ALPK1: variants seen among roughly 807,000 people sequenced by gnomAD.
ALPK1 encodes the protein alpha kinase 1.
Under a neutral mutation model 120.6 loss-of-function variants are expected in ALPK1, and 110 were observed. The observed-to-expected ratio is 0.91, with a 90% CI of 0.78 to 1.07. ALPK1 has a LOEUF of 1.07. Ranked by LOEUF, ALPK1 falls within the 50% of genes least tolerant of loss-of-function variation. The pLI is 0.00. For synonymous variants in ALPK1, 582 were observed against 560.3 expected (o/e 1.04, Z -0.55); for missense variants, 1,498 against 1,483.9 (o/e 1.01, Z -0.16).
At chr4:112,422,381 C>T (rs1285963128) in intron 5 of ALPK1, among the ~76,000 whole-genome samples, 1 of 152,130 alleles carries the variant, frequency 6.6e-6, no homozygotes, top group African/African-American at 2.4e-5. Flanking sequence ...CTTTCAATAT[C>T]CTTCCTGGGT....
At chr4:112,362,951 A>T (rs1258081290) in intron 2 of ALPK1, among the ~76,000 whole-genome samples, 2 of 152,212 alleles carry the variant, frequency 1.3e-5, no homozygotes, top group East Asian at 3.8e-4. Context: ...TAAACAAAAC[A>T]GTTGTCAGCC....
intron 1 of ALPK1, among the ~76,000 whole-genome samples, chr4:112,314,971 C>A (rs1728573033): frequency 6.8e-6 from 1 of 147,172 alleles, no homozygotes; most frequent in Admixed American, 7.0e-5. Context: ...ACTTCCACTT[C>A]CTGGATTCAA....
chr4:112,435,094 G>T, intron 11 of ALPK1, 54 bp from the exon 12 acceptor site: 1 of 1,559,212 alleles, frequency 6.4e-7, no homozygotes, highest in Middle Eastern at 1.7e-4. Context: ...CTTTATTCAT[G>T]AATTGTAACG....
chr4:112,346,453 T>C (rs191224687), intron 2 of ALPK1, among the ~76,000 whole-genome samples: 2 of 152,340 alleles, frequency 1.3e-5, no homozygotes, highest in East Asian at 3.9e-4. Context: ...TGTCACCTTG[T>C]TGAAAAATAA....
At chr4:112,308,836 A>G (rs1258010104) in intron 1 of ALPK1, among the ~76,000 whole-genome samples, 4 of 151,760 alleles carry the variant, frequency 2.6e-5, no homozygotes, top group Non-Finnish European at 5.9e-5. Context: ...GATTTTTAGA[A>G]TTTTCAGCTT....
Position 112,341,102 on chromosome 4 carries a change from C to T in ALPK1, c.-101+25250C>T, listed in dbSNP as rs543174367. ...TTAGGTTCTCTTGGTTTTTGTTGGT[C>T]GGTGGTGTGTGTGTCTGTGTGCGTG... On this transcript the variant is annotated intron_variant, in intron 2 of 15. Coordinates refer to ENST00000650871, the MANE Select transcript of ALPK1 (RefSeq NM_025144.4). Among the ~76,000 whole-genome samples, 10 of 152,120 alleles carry T rather than the reference C, an allele frequency of 6.6e-5. No individual in the cohort carries two copies. The East Asian group carries it at 1.7e-3, about 26-fold the overall frequency.
intron 12 of ALPK1, 78 bp downstream of exon 12, chr4:112,435,379 C>A: frequency 7.2e-7 from 1 of 1,392,062 alleles, no homozygotes; most frequent in Non-Finnish European, 9.7e-7. Context: ...ACTCATGAGA[C>A]TTCGTAGGGG....
intron 4 of ALPK1, among the ~76,000 whole-genome samples, chr4:112,387,511 C>T (rs1447618277): frequency 2.6e-5 from 4 of 152,098 alleles, no homozygotes; most frequent in Non-Finnish European, 5.9e-5. Context: ...TATAGGTTGG[C>T]ACTAAAAGCA....
chr4:112,336,784 TC>T (rs1160712356), intron 2 of ALPK1, among the ~76,000 whole-genome samples: 8 of 152,208 alleles, frequency 5.3e-5, no homozygotes, highest in African/African-American at 1.7e-4. Flanking sequence ...TTTATATTTT[TC>T]TATTAGCTAT....
chr4:112,345,928 A>G (rs1242593704), intron 2 of ALPK1, among the ~76,000 whole-genome samples: 1 of 152,206 alleles, frequency 6.6e-6, no homozygotes, highest in Admixed American at 6.5e-5. Context: ...CAATGGTGCA[A>G]TCTCGGCTCA....
chr4:112,435,635 A>G (rs1433624035), intron 12 of ALPK1, among the ~76,000 whole-genome samples: 1 of 152,112 alleles, frequency 6.6e-6, no homozygotes, highest in East Asian at 1.9e-4. Flanking sequence ...ATGCTGGCAA[A>G]AAAAGGTAAA....
Position 112,430,943 on chromosome 4 carries a change from G to C in ALPK1, c.1396G>C (p.Val466Leu). The C allele has an allele frequency of 6.2e-7, 1 of 1,614,134 alleles. No homozygotes were observed. Among genetic ancestry groups the C allele is most frequent in the Non-Finnish European group, 8.5e-7 (1 of 1,179,964 alleles). Residue 466 changes from valine to leucine, a missense_variant, in exon 11 of 16, where the codon GTG becomes CTG. Val to Leu is a conservative substitution (Grantham distance 32). Coordinates refer to ENST00000650871, the MANE Select transcript of ALPK1 (RefSeq NM_025144.4). ...LDTYSQHHTS[V>L]CEVFESDCGN... is the part of the protein sequence containing the mutation. The stretch of plus-strand genomic sequence containing the variant: ...CACCTATTCACAGCACCATACTTCG[G>C]TGTGTGAAGTATTTGAAAGTGATTG...
rs17044636 is a variant in ALPK1, at chr4:112,412,861, C to T, written c.475+836C>T. On this transcript the variant is annotated intron_variant, in intron 5 of 15. Coordinates refer to ENST00000650871, the MANE Select transcript of ALPK1 (RefSeq NM_025144.4). ...TCTTTAAGAGGTTAAAATCTCTTTA[C>T]TTCATTTCCTTTGAAAAGGAACTGT... Among the ~76,000 whole-genome samples, 662 of 152,288 alleles carry T rather than the reference C, an allele frequency of 4.3e-3. 4 individuals carry two copies. The highest frequency in any genetic ancestry group is 0.015 in the African/African-American group (624 of 41,544).
At chr4:112,424,054 G>A in intron 6 of ALPK1, 51 bp downstream of exon 6, 1 of 1,548,508 alleles carries the variant, frequency 6.5e-7, no homozygotes, top group Non-Finnish European at 8.9e-7. Context: ...CCCGAACAGA[G>A]CACTCATTTA....
chr4:112,328,951 C>T (rs143436913), intron 2 of ALPK1, among the ~76,000 whole-genome samples: 94 of 152,306 alleles, frequency 6.2e-4, no homozygotes, highest in African/African-American at 2.3e-3. Context: ...GAAGGGACGT[C>T]ACTAGGCTTC....
intron 2 of ALPK1, among the ~76,000 whole-genome samples, chr4:112,376,986 C>T (rs1731692600): frequency 6.6e-6 from 1 of 152,030 alleles, no homozygotes; most frequent in Admixed American, 6.5e-5. Context: ...CTTGAAATTA[C>T]CTTGACGGCA....
At chr4:112,328,345 T>C (rs1729207349) in intron 2 of ALPK1, among the ~76,000 whole-genome samples, 1 of 152,214 alleles carries the variant, frequency 6.6e-6, no homozygotes, top group Admixed American at 6.5e-5. Context: ...AAGTATCAAA[T>C]GGGGAAGGTA....
intron 4 of ALPK1, among the ~76,000 whole-genome samples, chr4:112,405,702 A>G (rs1171827573): frequency 1.3e-5 from 2 of 152,086 alleles, no homozygotes; most frequent in African/African-American, 2.4e-5. Flanking sequence ...CAGCCTCCCA[A>G]GTAGCTGAGA....
intron 6 of ALPK1, 73 bp downstream of exon 6, chr4:112,424,076 G>A (rs1003574367): frequency 1.2e-5 from 18 of 1,440,586 alleles, no homozygotes; most frequent in Middle Eastern, 4.4e-4. Flanking sequence ...TAACAACTTA[G>A]TGACTTAATA....
Sources: allele counts gnomAD v4.1 joint callset (sites outside exome capture counted in the v4.1 genomes callset), GRCh38; gene constraint gnomAD v4.1.1; transcripts MANE v1.5; gene names NCBI Gene and HGNC (gene_info 2026-07-23, HGNC 2026-07-21).